DPY19L4: variants seen among roughly 807,000 people sequenced by gnomAD.
DPY19L4 encodes the protein probable C-mannosyltransferase DPY19L4.
DPY19L4 carries 97 observed loss-of-function variants against 102.8 expected under a neutral mutation model. The ratio of observed to expected loss-of-function variants is 0.94; its 90% CI spans 0.80 to 1.12. DPY19L4 has a LOEUF of 1.12. DPY19L4 is among the 50% of genes most tolerant of loss of function. The pLI is 0.00. For synonymous variants in DPY19L4, 252 were observed against 283.1 expected (o/e 0.89, Z 1.10); for missense variants, 815 against 850.4 (o/e 0.96, Z 0.52).
chr8:94,750,073 A>C (rs1462320205), intron 6 of DPY19L4, among the ~76,000 whole-genome samples: 1 of 152,142 alleles, frequency 6.6e-6, no homozygotes, highest in African/African-American at 2.4e-5. Context: ...CTCATGCCTC[A>C]GCCTCTTGAG....
chr8:94,728,003 C>T (rs1321656787), intron 2 of DPY19L4, among the ~76,000 whole-genome samples: 5 of 152,024 alleles, frequency 3.3e-5, no homozygotes, highest in East Asian at 1.9e-4. Context: ...ACCCTGTCAC[C>T]CAGGCAGGAG....
At chr8:94,759,064 A>T (rs999195612) in intron 7 of DPY19L4, among the ~76,000 whole-genome samples, 1 of 151,964 alleles carries the variant, frequency 6.6e-6, no homozygotes, top group African/African-American at 2.4e-5. Context: ...GAAGCCGCGG[A>T]CCCTTGTGGT....
intron 2 of DPY19L4, among the ~76,000 whole-genome samples, chr8:94,730,882 A>G (rs1411032720): frequency 6.7e-6 from 1 of 148,194 alleles, no homozygotes; most frequent in Non-Finnish European, 1.5e-5. Flanking sequence ...AGTAGCTGGG[A>G]TTACAGGCAT....
Position 94,777,677 on chromosome 8 carries a change from T to G in DPY19L4, c.1466T>G (p.Ile489Ser). Residue 489 changes from isoleucine to serine, a missense_variant, in exon 14 of 19, where the codon ATC becomes AGC. By Grantham distance (142) the Ile-to-Ser change is moderately radical (BLOSUM62 -2). Transcript: ENST00000414645. ...LAMVIEGLKY[I>S]WIPYVCMLAA... ...TTTGTGTTTTCTAGCTTGAAGTACA[T>G]CTGGATTCCTTATGTGTGCATGTTA... is the stretch of plus-strand genomic sequence containing the variant. 1 of 1,613,220 alleles carries G rather than the reference T, an allele frequency of 6.2e-7. No individual in the cohort carries two copies. Among genetic ancestry groups the G allele is most frequent in the African/African-American group, 1.3e-5 (1 of 75,002 alleles).
intron 12 of DPY19L4, among the ~76,000 whole-genome samples, chr8:94,769,588 A>G (rs761394138): frequency 2.6e-5 from 4 of 152,104 alleles, no homozygotes; most frequent in Non-Finnish European, 5.9e-5. Context: ...GCAGTGGCTT[A>G]TGCCTGTAAT....
intron 6 of DPY19L4, among the ~76,000 whole-genome samples, chr8:94,742,290 A>G (rs11987620): frequency 0.45 from 68,617 of 151,894 alleles, 17,421 homozygotes; most frequent in African/African-American, 0.71. Context: ...CCCAGGAGGC[A>G]GAGCTTGCAG....
intron 6 of DPY19L4, among the ~76,000 whole-genome samples, chr8:94,752,115 G>A (rs796642328): frequency 4.6e-5 from 7 of 152,192 alleles, no homozygotes; most frequent in African/African-American, 1.7e-4. Flanking sequence ...TTAAGATACT[G>A]CCAAACTGTT....
chr8:94,755,623 G>A (rs1013952410), intron 6 of DPY19L4, among the ~76,000 whole-genome samples: 1 of 151,932 alleles, frequency 6.6e-6, no homozygotes, highest in African/African-American at 2.4e-5. Flanking sequence ...GGCTGGGTGC[G>A]GTGGCTCATG....
intron 17 of DPY19L4, among the ~76,000 whole-genome samples, chr8:94,784,929 A>G (rs6988791): frequency 0.89 from 135,723 of 152,282 alleles, 60,649 homozygotes; most frequent in East Asian, 0.96. Context: ...GTTTGGTATG[A>G]ATTTAAATGG....
In DPY19L4 at chr8:94,719,996, A is replaced by G. The variant is rs1429834294; in HGVS notation, c.-3A>G. The G allele has an allele frequency of 1.3e-6, 2 of 1,529,434 alleles. No homozygotes were observed. Among genetic ancestry groups the G allele is most frequent in the African/African-American group, 1.4e-5 (1 of 70,312 alleles). 94.7% of individuals were successfully genotyped at this position (1,529,434 alleles called of 1,614,324 possible). Reference sequence around the variant, plus strand: ...GCAGGGCGCCCTAGCCTTCGCAGAAACGATGGCGGAGGAAGAAGGTGATTG... The same window carrying G: ...GCAGGGCGCCCTAGCCTTCGCAGAAGCGATGGCGGAGGAAGAAGGTGATTG... On this transcript the variant is annotated 5_prime_UTR_variant, in exon 1 of 19. Transcript: ENST00000414645.
At chr8:94,788,263 TAAA>T (rs1210975895) in intron 18 of DPY19L4, among the ~76,000 whole-genome samples, 1 of 151,930 alleles carries the variant, frequency 6.6e-6, no homozygotes, top group Non-Finnish European at 1.5e-5. Flanking sequence ...GCAAAAATAA[TAAA>T]AAATAATAAT....
Position 94,773,800 on chromosome 8 carries a change from C to T in DPY19L4, c.1454+3229C>T, listed in dbSNP as rs966565488. On this transcript the variant is annotated intron_variant, in intron 13 of 18. Coordinates refer to ENST00000414645, the MANE Select transcript of DPY19L4 (RefSeq NM_181787.3). ...CCTATAATCCCAGCAATTTGGGAGA[C>T]GGAGGCAGATGATCACTTGAGCCCA... 6.3e-5 allele frequency among the ~76,000 whole-genome samples: 9 copies of T among 143,082 alleles called. No homozygotes were observed. The South Asian group carries it at 6.5e-4, about 10-fold the overall frequency. 93.9% of individuals were successfully genotyped at this position (143,082 alleles called of 152,430 possible).
At chr8:94,784,062 A>G (rs1317658447) in intron 17 of DPY19L4, among the ~76,000 whole-genome samples, 1 of 152,262 alleles carries the variant, frequency 6.6e-6, no homozygotes, top group East Asian at 1.9e-4. Flanking sequence ...TCCACAAAGT[A>G]TCAAGGGACC....
chr8:94,733,698 C>T (rs996646837), intron 2 of DPY19L4, among the ~76,000 whole-genome samples: 4 of 151,950 alleles, frequency 2.6e-5, no homozygotes, highest in African/African-American at 9.7e-5. Context: ...CCCGCCACCA[C>T]ACCCAGCTAA....
At chr8:94,770,381 A>T (rs1812872418) in intron 12 of DPY19L4, 71 bp from the exon 13 acceptor site, 1 of 1,448,060 alleles carries the variant, frequency 6.9e-7, no homozygotes, top group Admixed American at 2.6e-5. Flanking sequence ...TTCAAAGATG[A>T]TAAACAATGT....
At chr8:94,763,508 TTTTTC>T (rs1216655754) in intron 8 of DPY19L4, among the ~76,000 whole-genome samples, 3 of 142,268 alleles carry the variant, frequency 2.1e-5, no homozygotes, top group Non-Finnish European at 3.0e-5. Flanking sequence ...GCCCGTCTGA[TTTTTC>T]TTTTCTTTTT....
intron 6 of DPY19L4, 99 bp downstream of exon 6, chr8:94,739,889 C>T: frequency 1.5e-6 from 2 of 1,377,432 alleles, no homozygotes; most frequent in South Asian, 2.6e-5. Flanking sequence ...TCACTCTAAT[C>T]CTCAGAACCT....
chr8:94,725,112 A>G (rs1432892995), intron 1 of DPY19L4, among the ~76,000 whole-genome samples: 1 of 152,196 alleles, frequency 6.6e-6, no homozygotes, highest in African/African-American at 2.4e-5. Flanking sequence ...TTTCCACAGT[A>G]AAGCTAGAGA....
intron 6 of DPY19L4, among the ~76,000 whole-genome samples, chr8:94,750,274 T>C (rs1467172373): frequency 1.3e-5 from 2 of 152,204 alleles, no homozygotes; most frequent in African/African-American, 2.4e-5. Context: ...TAGACAAAGT[T>C]GGAAACAAAG....
Sources: gnomAD v4.1 joint callset for allele counts (sites outside exome capture counted in the v4.1 genomes callset) on GRCh38, gnomAD v4.1.1 for gene constraint, MANE v1.5 for transcripts, NCBI Gene and HGNC (gene_info 2026-07-23, HGNC 2026-07-21) for gene names.